The following FLT4 variants were observed in gnomAD, a reference collection of about 807,000 sequenced individuals.
FLT4 encodes the protein fms related receptor tyrosine kinase 4, also known as vascular endothelial growth factor receptor 3.
Under a neutral mutation model 163.2 loss-of-function variants are expected in FLT4, and 30 were observed. That is an observed-to-expected ratio of 0.18 (90% CI 0.14 to 0.25). The LOEUF (loss-of-function observed/expected upper bound fraction) is 0.25, where lower values mean the gene tolerates loss of function less well. Among genes scored for constraint, FLT4 ranks in the 10% least tolerant of loss-of-function variants. The probability of loss-of-function intolerance (pLI) is 1.00; values close to 1 mark genes in which losing one functional copy is unlikely to be tolerated. For synonymous variants in FLT4, 884 were observed against 789.5 expected, an observed-to-expected ratio of 1.12 and a Z score of -2.01; for missense variants, 1,510 against 1,863.8, an observed-to-expected ratio of 0.81 and a Z score of 3.50.
chr5:180,644,208 T>C (rs1299005199), intron 1 of FLT4, among the ~76,000 whole-genome samples: 1 of 152,206 alleles, frequency 6.6e-6, no homozygotes, highest in Non-Finnish European at 1.5e-5. Flanking sequence ...AATTTACCCA[T>C]GGCTGGTTTT....
At chr5:180,618,642 C>T (rs1217650442) in intron 21 of FLT4, 128 bp downstream of exon 21, 4 of 1,023,636 alleles carry the variant, frequency 3.9e-6, no homozygotes, top group East Asian at 2.6e-5. Context: ...TCTTCCCTTC[C>T]TAAGGCAGAG....
chr5:180,630,191 A>C lies in FLT4; in HGVS notation c.513+34T>G. 1.4e-5 allele frequency: 10 copies of C among 719,256 alleles called. No homozygotes were observed. Among genetic ancestry groups the C allele is most frequent in the Non-Finnish European group, 2.3e-5 (10 of 442,762 alleles). 44.6% of individuals were successfully genotyped at this position (719,256 alleles called of 1,614,324 possible). The stretch of plus-strand genomic sequence containing the variant: ...CCGCCTTTCCCAGGGGTGGGATGGG[A>C]GGGTCGGATGCTGGGGTTGGGGTGG... On this transcript the variant is annotated intron_variant, in intron 4 of 29. Coordinates refer to ENST00000261937, the MANE Select transcript of FLT4 (RefSeq NM_182925.5). The surrounding 1 kb of genome is among the most constrained non-coding windows in gnomAD (Gnocchi z 6.3).
At chr5:180,631,421 C>T (rs1057185489) in intron 2 of FLT4, among the ~76,000 whole-genome samples, 11 of 150,820 alleles carry the variant, frequency 7.3e-5, no homozygotes, top group African/African-American at 1.5e-4. Context: ...TGCAGTGAGC[C>T]GAGATCGCAC....
chr5:180,647,410 G>GGGCCTC lies in FLT4; in HGVS notation c.58+2077_58+2078insGAGGCC, dbSNP rs1292265555. On this transcript the variant is annotated intron_variant, in intron 1 of 29. Coordinates refer to ENST00000261937, the MANE Select transcript of FLT4 (RefSeq NM_182925.5). ...ATGCTTGGGGAAACTGAGGTGCAGGGAGGGGAAAGGAGGGGGCCCAGGTCA... is the reference window on the plus strand; with the variant it reads ...ATGCTTGGGGAAACTGAGGTGCAGGGGGCCTCAGGGGAAAGGAGGGGGCCCAGGTCA... Among the ~76,000 whole-genome samples, 5 of 152,132 alleles carry GGGCCTC rather than the reference G, an allele frequency of 3.3e-5. No individual in the cohort carries two copies. In the East Asian group the frequency reaches 9.7e-4, roughly 29 times the overall value.
rs541461066 is a variant in FLT4, at chr5:180,623,218, T to C, written c.1549-379A>G. On this transcript the variant is annotated intron_variant, in intron 11 of 29. Transcript: ENST00000261937. This position sits in a 1 kb window ranked among gnomAD's most constrained non-coding sequence, Gnocchi z 5.8. ...CTGGGTCACAGCAAAAGCCAGTCAC[T>C]TCTGGATGGGGTCAGGCCCAATCCA... Among the ~76,000 whole-genome samples, 9 of 152,300 alleles carry C rather than the reference T, an allele frequency of 5.9e-5. No individual in the cohort carries two copies. The highest frequency in any genetic ancestry group is 1.9e-4 in the African/African-American group (8 of 41,566).
At chr5:180,650,262 G>A (rs1322349705), upstream of FLT4, among the ~76,000 whole-genome samples, 4 of 151,786 alleles carry the variant, frequency 2.6e-5, no homozygotes, top group East Asian at 5.8e-4. Context: ...CCGCACCCGT[G>A]AGCGGGACAC....
rs1264318944 is a variant in FLT4, at chr5:180,601,688, A to G, written c.*1504T>C. 2 of 233,134 alleles carry G rather than the reference A, an allele frequency of 8.6e-6. No individual in the cohort carries two copies. The highest frequency in any genetic ancestry group is 1.7e-5 in the Non-Finnish European group (2 of 118,064). The allele number at this position is 233,134 out of a possible 1,614,324, so 14.4% of individuals were successfully genotyped here. ...GGAGCCAGGCTGGTTCTCTGCAGAGAACAACCTCCAGATCCTCCCAGGGAA... is the reference window on the plus strand; with the variant it reads ...GGAGCCAGGCTGGTTCTCTGCAGAGGACAACCTCCAGATCCTCCCAGGGAA... On this transcript the variant is annotated 3_prime_UTR_variant, in exon 30 of 30. Transcript: ENST00000261937.
At chr5:180,624,644 C>T (rs540390343) in intron 10 of FLT4, among the ~76,000 whole-genome samples, 2 of 152,378 alleles carry the variant, frequency 1.3e-5, no homozygotes, top group South Asian at 4.1e-4. Context: ...TGCACTCTGT[C>T]CCGCTTCTCT....
chr5:180,624,960 A>G (rs1421692496), intron 10 of FLT4, among the ~76,000 whole-genome samples: 1 of 152,194 alleles, frequency 6.6e-6, no homozygotes, highest in Non-Finnish European at 1.5e-5. Flanking sequence ...AAGGAAGGAC[A>G]TTTGGAGGTG....
At chr5:180,603,412 T>C in intron 29 of FLT4, 22 bp from the exon 30 acceptor site, 1 of 1,611,224 alleles carries the variant, frequency 6.2e-7, no homozygotes, top group Middle Eastern at 1.7e-4. Context: ...GGGAAGGTGG[T>C]GTTAGTAAGA....
At chr5:180,619,636 G>T in intron 18 of FLT4, 29 bp downstream of exon 18, 2 of 1,562,992 alleles carry the variant, frequency 1.3e-6, no homozygotes, top group Admixed American at 1.7e-5. Context: ...CACCAGCTAG[G>T]CTGCCCCTTC....
Position 180,608,556 on chromosome 5 carries a change from G to A in FLT4, c.3893+412C>T, listed in dbSNP as rs1420699083. On this transcript the variant is annotated intron_variant, in intron 29 of 29. Transcript: ENST00000261937. ...AACACCCGCTAAGCCCCACAGGGCC[G>A]GACCCTACACCAGCCAGTTCAGATT... 9.9e-5 allele frequency among the ~76,000 whole-genome samples: 15 copies of A among 152,208 alleles called. No homozygotes were observed. In the East Asian group the frequency reaches 2.7e-3, roughly 28 times the overall value.
At chr5:180,626,298 G>C (rs1763606560) in intron 8 of FLT4, 33 bp from the exon 9 acceptor site, 1 of 1,607,122 alleles carries the variant, frequency 6.2e-7, no homozygotes. Flanking sequence ...GGCCCATACA[G>C]ATCCCACCAC....
At chr5:180,612,450 G>A (rs1762284191) in intron 26 of FLT4, 56 bp downstream of exon 26, 2 of 1,325,046 alleles carry the variant, frequency 1.5e-6, no homozygotes, top group Non-Finnish European at 1.1e-6. Context: ...GCTCGGGCCA[G>A]GGACCCAGGG....
Position 180,612,584 on chromosome 5 carries a change from G to A in FLT4, c.3459C>T (p.Ser1153=), listed in dbSNP as rs751835178. 1.2e-5 allele frequency: 19 copies of A among 1,613,804 alleles called. No individual in the cohort carries two copies. The highest frequency in any genetic ancestry group is 1.7e-5 in the Admixed American group (1 of 59,994). ...AIRRIMLNCW[S]GDPKARPAFS... ...ATGCAGGTCTCGCCTTGGGGTCTCC[G>A]GACCAGCAGTTCAGCATGATGCGGC... is the stretch of plus-strand genomic sequence containing the variant. The change falls in exon 26 of 30, where the codon TCC becomes TCT. Residue 1153 remains serine (S), a synonymous_variant. Coordinates refer to ENST00000261937, the MANE Select transcript of FLT4 (RefSeq NM_182925.5).
chr5:180,620,936 G>T lies in FLT4; in HGVS notation c.2239C>A (p.Leu747Met), dbSNP rs774978737. 2 of 1,610,594 alleles carry T rather than the reference G, an allele frequency of 1.2e-6. No homozygotes were observed. The highest frequency in any genetic ancestry group is 1.7e-6 in the Non-Finnish European group (2 of 1,178,898). ...RVREEDAGRY[L>M]CSVCNAKGCV... ...CCCTTGGCGTTGCACACGCTGCACA[G>T]ATAGCGTCCCGCATCCTCCTCGCGC... Residue 747 changes from leucine to methionine, a missense_variant, in exon 15 of 30, where the codon CTG becomes ATG. Leu to Met is a conservative substitution (Grantham distance 15). Coordinates refer to ENST00000261937, the MANE Select transcript of FLT4 (RefSeq NM_182925.5). This position sits in a 1 kb window ranked among gnomAD's most constrained non-coding sequence, Gnocchi z 4.4.
In FLT4 at chr5:180,619,781, G is replaced by A. The variant is rs1762980723; in HGVS notation, c.2543-12C>T. The A allele has an allele frequency of 2.5e-6, 4 of 1,600,698 alleles. No homozygotes were observed. In the African/African-American group the frequency reaches 4.0e-5, roughly 16 times the overall value. On this transcript the variant is annotated splice_polypyrimidine_tract_variant and intron_variant, in intron 17 of 29. Coordinates refer to ENST00000261937, the MANE Select transcript of FLT4 (RefSeq NM_182925.5). ...GCCGAGCACTCTCCCTGTCGGGGCA[G>A]GGGGCCAGTTGCAGGTGAGCTGTAC...
intron 1 of FLT4, among the ~76,000 whole-genome samples, chr5:180,644,050 C>G (rs539492728): frequency 1.3e-5 from 2 of 152,292 alleles, no homozygotes; most frequent in Non-Finnish European, 2.9e-5. Context: ...AACTCTTAAC[C>G]TTGTGATCCG....
In FLT4 at chr5:180,630,081, C is replaced by T. The variant is rs139378654; in HGVS notation, c.538G>A (p.Gly180Arg). 10 of 1,612,482 alleles carry T rather than the reference C, an allele frequency of 6.2e-6. No homozygotes were observed. The highest frequency in any genetic ancestry group is 1.3e-5 in the African/African-American group (1 of 74,872). The change falls in exon 5 of 30, where the codon GGG (glycine) becomes AGG (arginine). Residue 180 changes from glycine (G) to arginine (R), a missense_variant. By Grantham distance (125) the Gly-to-Arg change is moderately radical. Transcript: ENST00000261937. The surrounding 1 kb of genome is among the most constrained non-coding windows in gnomAD (Gnocchi z 6.3). ...RSQSSVLWPDGQEVVWDDRRG... is the reference protein window; with the variant it reads ...RSQSSVLWPDRQEVVWDDRRG... Reference sequence around the variant, plus strand: ...CGGTCATCCCACACCACCTCCTGCCCGTCTGGCCACAGCACCGAGCTTTGC... The same window carrying T: ...CGGTCATCCCACACCACCTCCTGCCTGTCTGGCCACAGCACCGAGCTTTGC...
Sources: gnomAD v4.1 joint callset for allele counts (sites outside exome capture counted in the v4.1 genomes callset) on GRCh38, gnomAD v4.1.1 for gene constraint, Gnocchi (gnomAD v3.1) non-coding constraint, MANE v1.5 for transcripts, NCBI Gene and HGNC (gene_info 2026-07-23, HGNC 2026-07-21) for gene names.